IL1F10: variants seen among roughly 807,000 people sequenced by gnomAD.
IL1F10 encodes the protein interleukin-1 family member 10.
Under a neutral mutation model 13.1 loss-of-function variants are expected in IL1F10, and 13 were observed. That is an observed-to-expected ratio of 0.99 (90% CI 0.64 to 1.57). The LOEUF (loss-of-function observed/expected upper bound fraction) is 1.57, where lower values mean the gene tolerates loss of function less well. Among genes scored for constraint, IL1F10 ranks in the 40% most tolerant of loss-of-function variants. The pLI is 0.00. For synonymous variants in IL1F10, 78 were observed against 68.2 expected (o/e 1.14, Z -0.71); for missense variants, 191 against 184.1 (o/e 1.04, Z -0.22).
At chr2:113,073,461 A>AGACACATACATAGGAAGCAC (rs1685874550) in intron 2 of IL1F10, among the ~76,000 whole-genome samples, 1 of 152,144 alleles carries the variant, frequency 6.6e-6, no homozygotes, top group African/African-American at 2.4e-5. Flanking sequence ...CTGGGAAGCA[A>AGACACATACATAGGAAGCAC]GACACATACA....
intron 1 of IL1F10, among the ~76,000 whole-genome samples, chr2:113,071,876 C>T (rs1166536978): frequency 6.6e-6 from 1 of 152,198 alleles, no homozygotes; most frequent in African/African-American, 2.4e-5. Context: ...TAAACCTCAG[C>T]CCTAGTCATA....
intron 2 of IL1F10, 81 bp downstream of exon 2, chr2:113,072,851 G>C: frequency 1.6e-6 from 2 of 1,249,952 alleles, no homozygotes; most frequent in African/African-American, 3.0e-5. Flanking sequence ...GTCAGAGGAT[G>C]AGGCTCCTTC....
chr2:113,068,904 C>G (rs1685788079), intron 1 of IL1F10, among the ~76,000 whole-genome samples: 1 of 152,086 alleles, frequency 6.6e-6, no homozygotes, highest in South Asian at 2.1e-4. Context: ...CTAGAAAGAA[C>G]CTTCATAACC....
At chr2:113,075,069 T>G in intron 4 of IL1F10, 83 bp from the exon 5 acceptor site, 3 of 1,382,610 alleles carry the variant, frequency 2.2e-6, no homozygotes, top group Non-Finnish European at 3.0e-6. Context: ...GTCAGGTCCT[T>G]TTTTGGCCAA....
chr2:113,074,404 C>G lies in IL1F10; in HGVS notation c.108C>G (p.Asn36Lys). The G allele has an allele frequency of 6.2e-7, 1 of 1,613,212 alleles. No individual in the cohort carries two copies. Among genetic ancestry groups the G allele is most frequent in the Non-Finnish European group, 8.5e-7 (1 of 1,179,246 alleles). Residue 36 changes from asparagine (N) to lysine (K), a missense_variant, in exon 3 of 5, where the codon AAC (asparagine) becomes AAG (lysine). Asn to Lys is a moderately conservative substitution (Grantham distance 94, BLOSUM62 0). Coordinates refer to ENST00000341010, the MANE Select transcript of IL1F10 (RefSeq NM_173161.3). ...QLLVGDPVAD[N>K]CCAEKICILP... ...TGGTGGGAGATCCTGTTGCAGACAA[C>G]TGCTGTGCAGGTGAGCTTCTGGGGC...
At chr2:113,071,153 CTA>C (rs1685828032) in intron 1 of IL1F10, among the ~76,000 whole-genome samples, 1 of 152,178 alleles carries the variant, frequency 6.6e-6, no homozygotes, top group African/African-American at 2.4e-5. Flanking sequence ...GTATGTGTCT[CTA>C]TGTGTGGATT....
chr2:113,069,674 T>C (rs1338490828), intron 1 of IL1F10, among the ~76,000 whole-genome samples: 1 of 152,220 alleles, frequency 6.6e-6, no homozygotes, highest in African/African-American at 2.4e-5. Context: ...AAGTGGGATG[T>C]GCAGTCTACA....
intron 1 of IL1F10, among the ~76,000 whole-genome samples, chr2:113,070,212 G>C (rs1212976048): frequency 1.3e-5 from 2 of 152,178 alleles, no homozygotes; most frequent in African/African-American, 4.8e-5. Context: ...ACTGGGAGGG[G>C]CTTGGCACAC....
intron 1 of IL1F10, 83 bp from the exon 2 acceptor site, chr2:113,072,628 C>A: frequency 1.1e-6 from 1 of 909,598 alleles, no homozygotes; most frequent in South Asian, 1.5e-5. Context: ...CAGCCCTTGG[C>A]TGAGTGGTTC....
intron 1 of IL1F10, among the ~76,000 whole-genome samples, chr2:113,068,432 T>G (rs532813873): frequency 6.6e-6 from 1 of 152,034 alleles, no homozygotes; most frequent in Non-Finnish European, 1.5e-5. Context: ...CTCCATTGCT[T>G]CCTGTGTCAG....
intron 1 of IL1F10, among the ~76,000 whole-genome samples, chr2:113,070,724 C>T (rs1573245893): frequency 6.6e-6 from 1 of 152,180 alleles, no homozygotes; most frequent in East Asian, 1.9e-4. Context: ...ATTGACATCA[C>T]CTGGTTGCAT....
chr2:113,074,591 C>T (rs777234174), intron 3 of IL1F10, 132 bp from the exon 4 acceptor site: 1 of 1,235,346 alleles, frequency 8.1e-7, no homozygotes, highest in Admixed American at 1.7e-5. Context: ...TCCTGGCTCA[C>T]CGTCCAGTCT....
At position 113,074,799 on chromosome 2, in the gene IL1F10, C is replaced by G; in HGVS notation, c.195C>G (p.Ser65Arg). Residue 65 changes from serine (S) to arginine (R), a missense_variant, in exon 4 of 5, where the codon AGC becomes AGG. Physicochemically the swap from Ser to Arg is moderately radical, Grantham distance 110. Transcript: ENST00000341010. Reference sequence around the variant, plus strand: ...TTTTCCTGGGGATCCAGGGAGGGAGCCGCTGCCTGGCATGTGTGGAGACAG... The same window carrying G: ...TTTTCCTGGGGATCCAGGGAGGGAGGCGCTGCCTGGCATGTGTGGAGACAG... ...VPIFLGIQGGSRCLACVETEE... is the reference protein window; with the variant it reads ...VPIFLGIQGGRRCLACVETEE... 2 of 1,613,574 alleles carry G rather than the reference C, an allele frequency of 1.2e-6. No homozygotes were observed. The highest frequency in any genetic ancestry group is 1.1e-5 in the South Asian group (1 of 91,058).
At chr2:113,072,402 A>G in intron 1 of IL1F10, 1 of 255,606 alleles carries the variant, frequency 3.9e-6, no homozygotes, top group Non-Finnish European at 7.5e-6. Context: ...CAGGGCTGGG[A>G]ATTGTTGTGG....
chr2:113,070,108 G>C lies in IL1F10; in HGVS notation c.-29+2092G>C, dbSNP rs545231033. Among the ~76,000 whole-genome samples, 4 of 152,276 alleles carry C rather than the reference G, an allele frequency of 2.6e-5. No individual in the cohort carries two copies. In the South Asian group the frequency reaches 6.2e-4, roughly 24 times the overall value. On this transcript the variant is annotated intron_variant, in intron 1 of 4. Transcript: ENST00000341010. The stretch of plus-strand genomic sequence containing the variant: ...CCAGATGCCATGTCCAGGGAGAAAT[G>C]AGAGGAAGAAAAGAGGGATATAGAC...
intron 1 of IL1F10, 137 bp from the exon 2 acceptor site, chr2:113,072,574 A>G: frequency 1.7e-6 from 1 of 598,764 alleles, no homozygotes; most frequent in Admixed American, 2.9e-5. Flanking sequence ...GCCTTGGTGG[A>G]TTCTGGCAGG....
chr2:113,068,158 A>G (rs999037271), intron 1 of IL1F10, 142 bp downstream of exon 1: 3 of 152,210 alleles, frequency 2.0e-5, no homozygotes, highest in African/African-American at 7.2e-5. Context: ...ATATGACATG[A>G]TGGGACATCA....
rs1685916083 is a variant in IL1F10 at position 113,075,182 on chromosome 2, G to A, written c.277G>A (p.Gly93Ser). The A allele has an allele frequency of 6.2e-7, 1 of 1,612,792 alleles. No individual in the cohort carries two copies. ...DVNIEELYKG[G>S]EEATRFTFFQ... ...GAACATTGAGGAACTGTACAAAGGT[G>A]GTGAAGAGGCCACACGCTTCACCTT... The change falls in exon 5 of 5, where the codon GGT (glycine) becomes AGT (serine). Residue 93 changes from glycine (G) to serine (S), a missense_variant. Coordinates refer to ENST00000341010, the MANE Select transcript of IL1F10 (RefSeq NM_173161.3).
chr2:113,074,938 T>A, intron 4 of IL1F10, 88 bp downstream of exon 4: 1 of 1,507,506 alleles, frequency 6.6e-7, no homozygotes, highest in Non-Finnish European at 9.0e-7. Flanking sequence ...ATCTGTGGAT[T>A]CCCAGCCAGG....
Sources: allele counts gnomAD v4.1 joint callset (sites outside exome capture counted in the v4.1 genomes callset), GRCh38; gene constraint gnomAD v4.1.1; transcripts MANE v1.5; gene names NCBI Gene and HGNC (gene_info 2026-07-23, HGNC 2026-07-21).